The following SLC25A48 variants were observed in gnomAD, a reference collection of about 807,000 sequenced individuals.
SLC25A48 encodes CTC-321K16.1.
Under a neutral mutation model 32.2 loss-of-function variants are expected in SLC25A48, and 29 were observed. That is an observed-to-expected ratio of 0.90 (90% CI 0.67 to 1.23). SLC25A48 has a LOEUF of 1.23. Among genes scored for constraint, SLC25A48 ranks in the 50% most tolerant of loss-of-function variants. The pLI is 0.00. For missense variants in SLC25A48, 399 were observed against 422.7 expected (o/e 0.94, Z 0.49); for synonymous variants, 164 against 172.3 (o/e 0.95, Z 0.38).
intron 3 of SLC25A48, among the ~76,000 whole-genome samples, chr5:135,767,070 G>C (rs1756254269): frequency 6.6e-6 from 1 of 151,768 alleles, no homozygotes; most frequent in Admixed American, 6.6e-5. Flanking sequence ...TAATATCCAA[G>C]GGGAAAGAGA....
chr5:135,615,965 G>A (rs1320714951), intron 1 of SLC25A48, among the ~76,000 whole-genome samples: 1 of 152,216 alleles, frequency 6.6e-6, no homozygotes, highest in African/African-American at 2.4e-5. Context: ...CAGGTACATG[G>A]GCTGCTGCTT....
At chr5:135,763,466 A>G (rs1352728023) in intron 3 of SLC25A48, among the ~76,000 whole-genome samples, 1 of 152,094 alleles carries the variant, frequency 6.6e-6, no homozygotes, top group African/African-American at 2.4e-5. Context: ...GAGCAGCTAC[A>G]CAGCCTCACT....
At chr5:135,827,213 TC>T (rs1166447958) in intron 4 of SLC25A48, 4 of 152,212 alleles carry the variant, frequency 2.6e-5, no homozygotes, top group African/African-American at 9.7e-5. Flanking sequence ...AGCCTCTCTG[TC>T]CCGTGGCGCT....
At chr5:135,710,931 T>C (rs748695703) in intron 3 of SLC25A48, among the ~76,000 whole-genome samples, 4 of 152,316 alleles carry the variant, frequency 2.6e-5, no homozygotes, top group South Asian at 2.1e-4. Flanking sequence ...AAATCCATCA[T>C]GTGGATTTTT....
chr5:135,714,549 A>G (rs1228691174), intron 3 of SLC25A48: 3 of 152,220 alleles, frequency 2.0e-5, no homozygotes, highest in Non-Finnish European at 4.4e-5. Flanking sequence ...TTTGGTGGGT[A>G]TGGGGTCCAG....
chr5:135,768,312 G>A (rs1347729536), intron 3 of SLC25A48, among the ~76,000 whole-genome samples: 1 of 150,792 alleles, frequency 6.6e-6, no homozygotes, highest in Non-Finnish European at 1.5e-5. Context: ...ACGAAAGAAG[G>A]ATGATATTAC....
intron 1 of SLC25A48, among the ~76,000 whole-genome samples, chr5:135,837,127 C>T (rs977759098): frequency 2.0e-5 from 3 of 151,986 alleles, no homozygotes; most frequent in Non-Finnish European, 4.4e-5. Flanking sequence ...GAGATGTTGG[C>T]CCAAGGCTGG....
intron 4 of SLC25A48, among the ~76,000 whole-genome samples, chr5:135,859,885 C>T (rs987548281): frequency 2.6e-5 from 4 of 152,202 alleles, no homozygotes; most frequent in East Asian, 1.9e-4. Context: ...GTGATGTTAT[C>T]GGCAGGAGTA....
At chr5:135,775,984 T>A (rs1756547389) in intron 3 of SLC25A48, among the ~76,000 whole-genome samples, 1 of 151,776 alleles carries the variant, frequency 6.6e-6, no homozygotes, top group Non-Finnish European at 1.5e-5. Flanking sequence ...ACTCCCAATA[T>A]CACAGGGGGT....
In SLC25A48 at chr5:135,819,070, C is replaced by T. The variant is rs1034627264; in HGVS notation, c.-117+6144C>T. 4.6e-5 allele frequency among the ~76,000 whole-genome samples: 7 copies of T among 151,430 alleles called. No homozygotes were observed. The East Asian group carries it at 9.7e-4, about 21-fold the overall frequency. ...AAGGTTAAGAAACAAATGAGCAGAG[C>T]CTCAGGGATCCATGGAAAAACATTA... On this transcript the variant is annotated intron_variant, in intron 4 of 10. Coordinates refer to the SLC25A48 transcript ENST00000646290.
chr5:135,640,087 A>G (rs1752797029), intron 3 of SLC25A48, among the ~76,000 whole-genome samples: 1 of 152,246 alleles, frequency 6.6e-6, no homozygotes, highest in Non-Finnish European at 1.5e-5. Context: ...AAAACAAACC[A>G]AATGGAAATT....
At chr5:135,606,305 T>G (rs1457800403) in intron 1 of SLC25A48, among the ~76,000 whole-genome samples, 1 of 152,236 alleles carries the variant, frequency 6.6e-6, no homozygotes, top group Non-Finnish European at 1.5e-5. Context: ...GAAGTTAATT[T>G]GAGACCCCAG....
rs148848987 is a variant in SLC25A48 at position 135,792,096 on chromosome 5, T to G, written c.-520-20427T>G. Among the ~76,000 whole-genome samples, 47 of 151,918 alleles carry G rather than the reference T, an allele frequency of 3.1e-4. No individual in the cohort carries two copies. The East Asian group carries it at 6.8e-3, about 22-fold the overall frequency. On this transcript the variant is annotated intron_variant, in intron 3 of 10. Transcript: ENST00000646290. ...ATTACTCCTAATGTCACAGTGGGTG[T>G]ACGCCAAGTGTGTACACACCCTGTA... is the stretch of plus-strand genomic sequence containing the variant.
rs190329442 is a variant in SLC25A48 at position 135,631,474 on chromosome 5, G to T, written c.-709+2098G>T. ...GGCTCCCATCTGTTTGGCAGCTCAAGAATTGCTCTGTGCAACTGGCAGTAT... is the reference window on the plus strand; with the variant it reads ...GGCTCCCATCTGTTTGGCAGCTCAATAATTGCTCTGTGCAACTGGCAGTAT... On this transcript the variant is annotated intron_variant, in intron 2 of 10. Transcript: ENST00000646290. Among the ~76,000 whole-genome samples, 162 of 152,358 alleles carry T rather than the reference G, an allele frequency of 1.1e-3. 3 individuals carry two copies. The highest frequency in any genetic ancestry group is 3.2e-4 in the Non-Finnish European group (22 of 68,042).
Position 135,609,008 on chromosome 5 carries a change from C to T in SLC25A48, c.-848-20229C>T, listed in dbSNP as rs191414510. Reference sequence around the variant, plus strand: ...TGGAAACAACAGCTGGCACTTTGGACGCTGAGCTTCAATTGGCATGACCTG... The same window carrying T: ...TGGAAACAACAGCTGGCACTTTGGATGCTGAGCTTCAATTGGCATGACCTG... On this transcript the variant is annotated intron_variant, in intron 1 of 10. Coordinates refer to the SLC25A48 transcript ENST00000646290. Among the ~76,000 whole-genome samples, 6 of 152,302 alleles carry T rather than the reference C, an allele frequency of 3.9e-5. No homozygotes were observed. In the East Asian group the frequency reaches 1.2e-3, roughly 29 times the overall value.
chr5:135,716,737 T>G (rs2126979134), intron 3 of SLC25A48, among the ~76,000 whole-genome samples: 1 of 152,340 alleles, frequency 6.6e-6, no homozygotes, highest in East Asian at 1.9e-4. Flanking sequence ...GCGTTGGGTC[T>G]GAAGCCTTAA....
intron 3 of SLC25A48, among the ~76,000 whole-genome samples, chr5:135,812,050 C>A (rs1757599674): frequency 6.6e-6 from 1 of 152,002 alleles, no homozygotes; most frequent in Non-Finnish European, 1.5e-5. Flanking sequence ...CCACTGCATT[C>A]CAGCCTGGGT....
Position 135,834,811 on chromosome 5 carries a change from T to G in SLC25A48, c.-37T>G, listed in dbSNP as rs1163728031. The G allele has an allele frequency of 2.6e-6, 4 of 1,563,102 alleles. No homozygotes were observed. Among genetic ancestry groups the G allele is most frequent in the Non-Finnish European group, 3.5e-6 (4 of 1,154,830 alleles). On this transcript the variant is annotated 5_prime_UTR_variant, in exon 1 of 8. Transcript: ENST00000681962. ...TGCCCCACTGACTCTAAGTGGGCAC[T>G]GCCCCGGCTCCGGGAGGGCGAGACC...
chr5:135,807,064 A>C (rs558013054), intron 3 of SLC25A48, among the ~76,000 whole-genome samples: 62 of 150,768 alleles, frequency 4.1e-4, no homozygotes, highest in African/African-American at 1.5e-3. Flanking sequence ...TAAATATCAA[A>C]TATTTTATTA....
Sources: allele counts gnomAD v4.1 joint callset (sites outside exome capture counted in the v4.1 genomes callset), GRCh38; gene constraint gnomAD v4.1.1; transcripts MANE v1.5; gene names NCBI Gene and HGNC (gene_info 2026-07-23, HGNC 2026-07-21).